TCEANC2: variants seen among roughly 807,000 people sequenced by gnomAD.
The protein encoded by TCEANC2 is transcription elongation factor A N-terminal and central domain containing 2, also known as transcription elongation factor A N-terminal and central domain-containing protein 2.
Under a neutral mutation model 22.8 loss-of-function variants are expected in TCEANC2, and 20 were observed. That is an observed-to-expected ratio of 0.88 (90% CI 0.62 to 1.28). TCEANC2 has a LOEUF of 1.28. Among genes scored for constraint, TCEANC2 ranks in the 50% most tolerant of loss-of-function variants. TCEANC2 has a pLI of 0.00. For synonymous variants in TCEANC2, 84 were observed against 95.5 expected, an observed-to-expected ratio of 0.88 and a Z score of 0.70; for missense variants, 251 against 249.7, an observed-to-expected ratio of 1.01 and a Z score of -0.03.
intron 3 of TCEANC2, among the ~76,000 whole-genome samples, chr1:54,073,083 A>G (rs1479147676): frequency 6.6e-6 from 1 of 152,024 alleles, no homozygotes; most frequent in Non-Finnish European, 1.5e-5. Context: ...CTCCTGCCTC[A>G]GCCTTCCGAG....
At chr1:54,056,533 G>T (rs566262137) in intron 2 of TCEANC2, among the ~76,000 whole-genome samples, 1 of 151,736 alleles carries the variant, frequency 6.6e-6, no homozygotes, top group Non-Finnish European at 1.5e-5. Flanking sequence ...CACTATGTTG[G>T]CCAGGCTGGT....
At chr1:54,057,772 A>G (rs1657781939) in intron 2 of TCEANC2, among the ~76,000 whole-genome samples, 1 of 152,164 alleles carries the variant, frequency 6.6e-6, no homozygotes, top group Non-Finnish European at 1.5e-5. Flanking sequence ...ATGACACCCA[A>G]GGCCTTCCAT....
rs1282068754 is a variant in TCEANC2 at position 54,099,374 on chromosome 1, G to A, written c.*2901G>A. 2 of 152,218 alleles carry A rather than the reference G, an allele frequency of 1.3e-5. No individual in the cohort carries two copies. The highest frequency in any genetic ancestry group is 4.8e-5 in the African/African-American group (2 of 41,462). 9.4% of individuals were successfully genotyped at this position (152,218 alleles called of 1,614,324 possible). ...AGCTATTCTGAGCATTTGCTGAAGG[G>A]AAGGAAGCTTGCAGACATCCCTCCC... On this transcript the variant is annotated 3_prime_UTR_variant, in exon 5 of 5. Coordinates refer to ENST00000234827, the MANE Select transcript of TCEANC2 (RefSeq NM_153035.3).
intron 3 of TCEANC2, among the ~76,000 whole-genome samples, chr1:54,083,837 A>T (rs1658289105): frequency 6.6e-6 from 1 of 152,144 alleles, no homozygotes; most frequent in South Asian, 2.1e-4. Flanking sequence ...TAAATTCTTT[A>T]AGGCTTTTTT....
intron 3 of TCEANC2, among the ~76,000 whole-genome samples, chr1:54,078,136 T>C (rs1258521073): frequency 1.3e-5 from 2 of 152,220 alleles, no homozygotes; most frequent in East Asian, 3.8e-4. Context: ...ATGCATTTTT[T>C]TGGCACTTTT....
intron 2 of TCEANC2, among the ~76,000 whole-genome samples, chr1:54,059,315 A>G (rs1422055557): frequency 6.6e-6 from 1 of 151,720 alleles, no homozygotes; most frequent in Non-Finnish European, 1.5e-5. Flanking sequence ...ACCACACCGA[A>G]CTAATTTTTG....
rs970965804 is a variant in TCEANC2, at chr1:54,101,392, T to C, written c.*4919T>C. ...ATTTTCTTTAAATCAATCAAAATGA[T>C]ACAATTACTGTCAGGGATGGACTTA... On this transcript the variant is annotated 3_prime_UTR_variant, in exon 5 of 5. Coordinates refer to ENST00000234827, the MANE Select transcript of TCEANC2 (RefSeq NM_153035.3). The C allele has an allele frequency of 1.4e-4, 22 of 152,344 alleles. No homozygotes were observed. Among genetic ancestry groups the C allele is most frequent in the African/African-American group, 5.3e-4 (22 of 41,584 alleles). The allele number at this position is 152,344 out of a possible 1,614,324, so 9.4% of individuals were successfully genotyped here.
rs774728201 is a variant in TCEANC2 at position 54,104,544 on chromosome 1, TTTTTTC to T, written c.*8084_*8089del. 4.4e-6 allele frequency: 2 copies of T among 454,320 alleles called. No individual in the cohort carries two copies. Among genetic ancestry groups the T allele is most frequent in the South Asian group, 1.6e-5 (1 of 64,074 alleles). The allele number at this position is 454,320 out of a possible 1,614,324, so 28.1% of individuals were successfully genotyped here. ...TTCTTGGTATTCCTTTGCCCAATTT[TTTTTTC>T]TTTTTCTTTTTCAGAGGTGGAGTCT... On this transcript the variant is annotated 3_prime_UTR_variant, in exon 5 of 5. Transcript: ENST00000234827.
intron 3 of TCEANC2, among the ~76,000 whole-genome samples, chr1:54,071,818 AT>A (rs111974154): frequency 2.1e-4 from 31 of 147,486 alleles, no homozygotes; most frequent in Admixed American, 2.7e-4. Context: ...TTTTATTTTT[AT>A]TTTTTTTTTT....
At chr1:54,058,342 A>G (rs1471395196) in intron 2 of TCEANC2, among the ~76,000 whole-genome samples, 1 of 152,134 alleles carries the variant, frequency 6.6e-6, no homozygotes, top group Non-Finnish European at 1.5e-5. Flanking sequence ...CCATCCCTGT[A>G]TATTAAACAT....
intron 4 of TCEANC2, among the ~76,000 whole-genome samples, chr1:54,092,811 G>A (rs2100385315): frequency 6.6e-6 from 1 of 152,336 alleles, no homozygotes; most frequent in East Asian, 1.9e-4. Context: ...TCCCACTGAT[G>A]AAGGAGCTCA....
intron 3 of TCEANC2, among the ~76,000 whole-genome samples, chr1:54,073,544 G>A (rs775300291): frequency 8.4e-4 from 128 of 152,110 alleles, no homozygotes; most frequent in Non-Finnish European, 2.9e-4. Context: ...TAACTTTTTT[G>A]TTGGGGTTAG....
At chr1:54,076,375 G>A (rs552080580) in intron 3 of TCEANC2, among the ~76,000 whole-genome samples, 10 of 152,228 alleles carry the variant, frequency 6.6e-5, no homozygotes, top group South Asian at 4.1e-4. Context: ...CTGTTCCTGC[G>A]TTAGTTTGCT....
chr1:54,065,369 T>C (rs1038085162), intron 2 of TCEANC2, among the ~76,000 whole-genome samples: 6 of 152,300 alleles, frequency 3.9e-5, no homozygotes, highest in Non-Finnish European at 5.9e-5. Flanking sequence ...GTTTCTGAAG[T>C]AGAGGCTTGT....
In TCEANC2 at chr1:54,101,300, A is replaced by G. The variant is rs932189746; in HGVS notation, c.*4827A>G. The G allele has an allele frequency of 6.6e-6, 1 of 152,144 alleles. No homozygotes were observed. Among genetic ancestry groups the G allele is most frequent in the Non-Finnish European group, 1.5e-5 (1 of 68,022 alleles). 9.4% of individuals were successfully genotyped at this position (152,144 alleles called of 1,614,324 possible). On this transcript the variant is annotated 3_prime_UTR_variant, in exon 5 of 5. Coordinates refer to ENST00000234827, the MANE Select transcript of TCEANC2 (RefSeq NM_153035.3). ...TCCATCCAGAAAACAAAGCTTTGGG[A>G]GTTTCAGTTAGTTGGGTGACACTAC...
chr1:54,059,524 A>G (rs970293655), intron 2 of TCEANC2, among the ~76,000 whole-genome samples: 9 of 152,238 alleles, frequency 5.9e-5, no homozygotes, highest in African/African-American at 2.2e-4. Context: ...TAAGTGGTCA[A>G]TAAATATTTG....
chr1:54,054,285 T>C (rs770100573), intron 1 of TCEANC2, 96 bp from the exon 2 acceptor site: 42 of 1,463,330 alleles, frequency 2.9e-5, no homozygotes, highest in Non-Finnish European at 3.3e-5. Flanking sequence ...CCATAATTCA[T>C]GAATTCTTCC....
intron 2 of TCEANC2, among the ~76,000 whole-genome samples, chr1:54,058,944 T>G (rs990086344): frequency 1.8e-4 from 28 of 151,764 alleles, no homozygotes; most frequent in Admixed American, 1.4e-3. Context: ...CGTGAGCCAC[T>G]GTGCCCAGCC....
At chr1:54,063,479 A>G (rs189381436) in intron 2 of TCEANC2, among the ~76,000 whole-genome samples, 1 of 152,270 alleles carries the variant, frequency 6.6e-6, no homozygotes, top group East Asian at 1.9e-4. Flanking sequence ...GTGGTGTGCT[A>G]TTTGCCTATA....
Sources: gnomAD v4.1 joint callset for allele counts (sites outside exome capture counted in the v4.1 genomes callset) on GRCh38, gnomAD v4.1.1 for gene constraint, MANE v1.5 for transcripts, NCBI Gene and HGNC (gene_info 2026-07-23, HGNC 2026-07-21) for gene names.